The following CWH43 variants were observed in gnomAD, a reference collection of about 807,000 sequenced individuals.
CWH43 encodes cell wall biogenesis 43 C-terminal homolog, also known as PGAP2-interacting protein.
In CWH43, 91 loss-of-function variants were observed where a neutral mutation model predicts 85.7. The observed-to-expected ratio is 1.06, with a 90% CI of 0.90 to 1.26. The LOEUF (loss-of-function observed/expected upper bound fraction) is 1.26, where lower values mean the gene tolerates loss of function less well. Ranked by LOEUF, CWH43 falls within the 50% of genes most tolerant of loss-of-function variation. The pLI is 0.00. For synonymous variants in CWH43, 323 were observed against 293.6 expected, an observed-to-expected ratio of 1.10 and a Z score of -1.02; for missense variants, 869 against 839.2, an observed-to-expected ratio of 1.04 and a Z score of -0.44.
chr4:49,045,058 C>T (rs1343774484), intron 14 of CWH43, among the ~76,000 whole-genome samples: 1 of 152,094 alleles, frequency 6.6e-6, no homozygotes, highest in Non-Finnish European at 1.5e-5. Flanking sequence ...AATAGCTAAG[C>T]AAATTAAGTT....
At chr4:48,995,055 A>C (rs1782769279) in intron 5 of CWH43, among the ~76,000 whole-genome samples, 1 of 152,216 alleles carries the variant, frequency 6.6e-6, no homozygotes, top group Non-Finnish European at 1.5e-5. Context: ...ATGGTTGTGC[A>C]CAGCTAAGTA....
chr4:49,044,609 CAATA>C (rs1784564361), intron 13 of CWH43, among the ~76,000 whole-genome samples, 173 bp from the exon 14 acceptor site: 2 of 151,704 alleles, frequency 1.3e-5, no homozygotes, highest in African/African-American at 4.8e-5. Flanking sequence ...AGTAGGTGCT[CAATA>C]AATATATGTA....
chr4:49,050,550 C>A (rs2109839474), intron 14 of CWH43, 144 bp from the exon 15 acceptor site: 1 of 521,734 alleles, frequency 1.9e-6, no homozygotes, highest in Non-Finnish European at 3.3e-6. Flanking sequence ...TTTAGATTAA[C>A]AATTTAAGTT....
At chr4:49,048,766 A>C (rs1243518973) in intron 14 of CWH43, among the ~76,000 whole-genome samples, 1 of 152,094 alleles carries the variant, frequency 6.6e-6, no homozygotes, top group Non-Finnish European at 1.5e-5. Context: ...TATGTCTCCA[A>C]ATATGGCCAC....
chr4:49,038,940 C>A (rs1326784434), intron 13 of CWH43, among the ~76,000 whole-genome samples: 15 of 151,210 alleles, frequency 9.9e-5, no homozygotes, highest in African/African-American at 3.4e-4. Context: ...TGCCTGTAGT[C>A]CCAGCTACTC....
Position 49,003,684 on chromosome 4 carries a change from C to G in CWH43, c.803-51C>G, listed in dbSNP as rs369429769. The stretch of plus-strand genomic sequence containing the variant: ...GTCCTAAAGGCTATAAATTGGTCAT[C>G]CTCTAAGCTCGACTGCTTTCCTGTC... On this transcript the variant is annotated intron_variant, in intron 6 of 15. Transcript: ENST00000226432. 9 of 1,599,906 alleles carry G rather than the reference C, an allele frequency of 5.6e-6. No individual in the cohort carries two copies. The African/African-American group carries it at 8.1e-5, about 14-fold the overall frequency.
At chr4:49,056,408 C>G (rs1420471653) in intron 15 of CWH43, among the ~76,000 whole-genome samples, 1 of 152,064 alleles carries the variant, frequency 6.6e-6, no homozygotes, top group Non-Finnish European at 1.5e-5. Flanking sequence ...TAGATTGTTA[C>G]TATGAACTGG....
intron 9 of CWH43, among the ~76,000 whole-genome samples, chr4:49,020,319 A>G (rs1783701748): frequency 6.6e-6 from 1 of 151,396 alleles, no homozygotes; most frequent in East Asian, 1.9e-4. Flanking sequence ...ATGGTCTCCA[A>G]TTCCATCCAG....
intron 15 of CWH43, among the ~76,000 whole-genome samples, chr4:49,060,517 C>T (rs1785119560): frequency 6.6e-6 from 1 of 151,984 alleles, no homozygotes; most frequent in South Asian, 2.1e-4. Context: ...TTGGCCTGGA[C>T]CTGGTGCTGG....
chr4:49,055,798 C>A (rs1417995128), intron 15 of CWH43, among the ~76,000 whole-genome samples: 10 of 152,100 alleles, frequency 6.6e-5, no homozygotes, highest in Admixed American at 6.5e-4. Context: ...CCATGTTGGC[C>A]AGGCTGGTCT....
At chr4:48,991,608 C>A (rs1782661373) in intron 3 of CWH43, 34 bp downstream of exon 3, 1 of 1,602,682 alleles carries the variant, frequency 6.2e-7, no homozygotes, top group Non-Finnish European at 8.5e-7. Context: ...TATAGACAAA[C>A]AAGTATAACC....
Position 49,003,893 on chromosome 4 carries a change from A to C in CWH43, c.961A>C (p.Ile321Leu). The C allele has an allele frequency of 6.2e-7, 1 of 1,613,958 alleles. No individual in the cohort carries two copies. Among genetic ancestry groups the C allele is most frequent in the Non-Finnish European group, 8.5e-7 (1 of 1,179,904 alleles). The change falls in exon 7 of 16, where the codon ATA (isoleucine) becomes CTA (leucine). Residue 321 changes from isoleucine (I) to leucine (L), a missense_variant. By Grantham distance (5) the Ile-to-Leu change is conservative. This residue lies in a region of CWH43 where 577 missense variants were observed against 513.1 expected (regional missense o/e 1.12). Coordinates refer to ENST00000226432, the MANE Select transcript of CWH43 (RefSeq NM_025087.3). Reference sequence around the variant, plus strand: ...TGGGAAAACCATGACCATTGCCATGATATTTTATCTTCTAGAAATATTTTT... The same window carrying C: ...TGGGAAAACCATGACCATTGCCATGCTATTTTATCTTCTAGAAATATTTTT... ...NPGKTMTIAM[I>L]FYLLEIFFCA... is the part of the protein sequence containing the mutation.
intron 6 of CWH43, among the ~76,000 whole-genome samples, chr4:48,999,700 T>G (rs1782929064): frequency 6.6e-6 from 1 of 152,204 alleles, no homozygotes; most frequent in Non-Finnish European, 1.5e-5. Context: ...TCTTTCACTC[T>G]TCAAGATTCC....
intron 5 of CWH43, among the ~76,000 whole-genome samples, chr4:48,997,717 C>G (rs1056307123): frequency 6.6e-6 from 1 of 152,108 alleles, no homozygotes; most frequent in African/African-American, 2.4e-5. Context: ...CATACCCTTT[C>G]CCCCAGAATT....
chr4:49,033,217 T>C (rs1316317396), intron 12 of CWH43, among the ~76,000 whole-genome samples: 2 of 152,196 alleles, frequency 1.3e-5, no homozygotes, highest in Non-Finnish European at 2.9e-5. Flanking sequence ...GAAGTACTGT[T>C]GGGATTTGAG....
chr4:49,046,678 C>A (rs1274394480), intron 14 of CWH43, among the ~76,000 whole-genome samples: 1 of 151,902 alleles, frequency 6.6e-6, no homozygotes, highest in African/African-American at 2.4e-5. Context: ...GCACTTCAGG[C>A]AGGGGAGGCG....
intron 13 of CWH43, among the ~76,000 whole-genome samples, chr4:49,039,232 C>G (rs1784361157): frequency 7.5e-6 from 1 of 133,256 alleles, no homozygotes; most frequent in South Asian, 2.4e-4. Flanking sequence ...GTCTGAAACA[C>G]TTGAATTTGT....
Position 48,991,514 on chromosome 4 carries a change from GGGT to G in CWH43, c.298_300del (p.Val100del). On this transcript the variant is annotated inframe_deletion, in exon 3 of 16. Coordinates refer to ENST00000226432, the MANE Select transcript of CWH43 (RefSeq NM_025087.3). ...CTTCGACTGATGGTTCTTGCGCTTG[GGGT>G]GTCTTCCTCACTGATAGTGCAAGCT... 2 of 1,614,026 alleles carry G rather than the reference GGGT, an allele frequency of 1.2e-6. No homozygotes were observed. Among genetic ancestry groups the G allele is most frequent in the Non-Finnish European group, 1.7e-6 (2 of 1,179,976 alleles).
intron 12 of CWH43, among the ~76,000 whole-genome samples, chr4:49,036,750 G>A (rs1436899304): frequency 1.3e-5 from 2 of 152,174 alleles, no homozygotes; most frequent in African/African-American, 2.4e-5. Flanking sequence ...CCAATGGGAG[G>A]CACTAGTGCA....
Sources: gnomAD v4.1 joint callset for allele counts (sites outside exome capture counted in the v4.1 genomes callset) on GRCh38, gnomAD v4.1.1 for gene constraint, gnomAD v4.1.1 regional missense constraint, MANE v1.5 for transcripts, NCBI Gene and HGNC (gene_info 2026-07-23, HGNC 2026-07-21) for gene names.